Variants in TRIM44 observed in about 807,000 individuals in gnomAD.
TRIM44 encodes the protein tripartite motif containing 44, also known as tripartite motif-containing protein 44.
A neutral mutation model predicts 37.4 loss-of-function variants in TRIM44; 13 were observed. The observed-to-expected ratio is 0.35, with a 90% CI of 0.23 to 0.55. TRIM44 has a LOEUF of 0.55. Among genes scored for constraint, TRIM44 ranks in the 20% least tolerant of loss-of-function variants. The probability of loss-of-function intolerance (pLI) is 0.89; values close to 1 mark genes in which losing one functional copy is unlikely to be tolerated. For synonymous variants in TRIM44, 175 were observed against 157.2 expected (o/e 1.11, Z -0.85); for missense variants, 426 against 437.2 (o/e 0.97, Z 0.23).
intron 1 of TRIM44, among the ~76,000 whole-genome samples, chr11:35,684,140 T>C (rs1033723448): frequency 6.6e-6 from 1 of 152,218 alleles, no homozygotes; most frequent in Non-Finnish European, 1.5e-5. Flanking sequence ...GTCTGTGCTC[T>C]AAATCTGTAC....
chr11:35,760,645 A>G (rs1029686301), intron 4 of TRIM44, among the ~76,000 whole-genome samples: 10 of 152,038 alleles, frequency 6.6e-5, no homozygotes, highest in African/African-American at 2.2e-4. Flanking sequence ...TCCACTTCCT[A>G]TGTTTTTTAA....
intron 4 of TRIM44, among the ~76,000 whole-genome samples, chr11:35,788,756 G>A (rs1853162091): frequency 6.6e-6 from 1 of 152,188 alleles, no homozygotes; most frequent in Non-Finnish European, 1.5e-5. Context: ...AAAGAGGCAT[G>A]TGATTAGCCA....
intron 4 of TRIM44, among the ~76,000 whole-genome samples, chr11:35,796,257 TCGC>T (rs1323965076): frequency 5.3e-5 from 8 of 152,210 alleles, no homozygotes; most frequent in Non-Finnish European, 2.9e-5. Context: ...TCTGCCTCGC[TCGC>T]TCGCTGTCAC....
chr11:35,709,915 A>G (rs774268292), intron 2 of TRIM44, among the ~76,000 whole-genome samples: 1 of 152,248 alleles, frequency 6.6e-6, no homozygotes, highest in Admixed American at 6.5e-5. Context: ...CAGCAGATTC[A>G]GAGAGACTCC....
At chr11:35,725,879 C>G (rs1459167766) in intron 2 of TRIM44, 45 bp from the exon 3 acceptor site, 1 of 1,600,422 alleles carries the variant, frequency 6.2e-7, no homozygotes, top group Non-Finnish European at 8.5e-7. Context: ...CCTTTTGTTT[C>G]TTTGTATGTT....
intron 4 of TRIM44, among the ~76,000 whole-genome samples, chr11:35,798,889 C>G (rs1469147429): frequency 6.6e-6 from 1 of 151,942 alleles, no homozygotes. Context: ...ATATATTTCA[C>G]TGTGATAATG....
chr11:35,677,579 A>G (rs1851472270), intron 1 of TRIM44, among the ~76,000 whole-genome samples: 1 of 152,088 alleles, frequency 6.6e-6, no homozygotes, highest in African/African-American at 2.4e-5. Flanking sequence ...ATATTCTTTC[A>G]TTTAATGTTT....
At chr11:35,785,905 C>A (rs1460978319) in intron 4 of TRIM44, among the ~76,000 whole-genome samples, 1 of 152,192 alleles carries the variant, frequency 6.6e-6, no homozygotes, top group Non-Finnish European at 1.5e-5. Flanking sequence ...ATGATTGAAA[C>A]CCATGAGAGA....
At chr11:35,784,782 C>T (rs953857014) in intron 4 of TRIM44, among the ~76,000 whole-genome samples, 1 of 152,116 alleles carries the variant, frequency 6.6e-6, no homozygotes, top group African/African-American at 2.4e-5. Context: ...TTAAATTTTG[C>T]CAGGTTTTTA....
At chr11:35,684,619 A>C (rs746003948) in intron 1 of TRIM44, among the ~76,000 whole-genome samples, 42 of 152,214 alleles carry the variant, frequency 2.8e-4, no homozygotes, top group Non-Finnish European at 3.4e-4. Context: ...AAATTAATCA[A>C]CTAGTTAATG....
At chr11:35,775,192 G>C (rs1481516085) in intron 4 of TRIM44, among the ~76,000 whole-genome samples, 2 of 152,164 alleles carry the variant, frequency 1.3e-5, no homozygotes, top group African/African-American at 4.8e-5. Flanking sequence ...CACATCCCTT[G>C]TAAGTTGGAT....
chr11:35,791,431 T>A (rs1303089302), intron 4 of TRIM44, among the ~76,000 whole-genome samples: 1 of 152,132 alleles, frequency 6.6e-6, no homozygotes, highest in Non-Finnish European at 1.5e-5. Flanking sequence ...AGATGCCATA[T>A]GGAGCCCTGA....
At chr11:35,779,100 C>T (rs549243746) in intron 4 of TRIM44, among the ~76,000 whole-genome samples, 7 of 152,178 alleles carry the variant, frequency 4.6e-5, no homozygotes, top group Non-Finnish European at 8.8e-5. Context: ...CTACCCAGTT[C>T]GAGCTTCCCA....
intron 1 of TRIM44, among the ~76,000 whole-genome samples, chr11:35,665,523 C>T (rs1429548928): frequency 6.7e-6 from 1 of 149,672 alleles, no homozygotes; most frequent in African/African-American, 2.5e-5. Flanking sequence ...AGTACCTAGT[C>T]AGTTCTTTTG....
chr11:35,674,532 C>T (rs1851438138), intron 1 of TRIM44, among the ~76,000 whole-genome samples: 1 of 152,182 alleles, frequency 6.6e-6, no homozygotes, highest in South Asian at 2.1e-4. Flanking sequence ...ATTAAACCCA[C>T]TTCAGATGGG....
intron 2 of TRIM44, among the ~76,000 whole-genome samples, chr11:35,710,929 CAG>C (rs1371170418): frequency 6.6e-6 from 1 of 152,122 alleles, no homozygotes; most frequent in Non-Finnish European, 1.5e-5. Context: ...TAGTTACTGA[CAG>C]AAGTTATTCA....
At chr11:35,708,356 A>G (rs1269954275) in intron 2 of TRIM44, among the ~76,000 whole-genome samples, 2 of 151,676 alleles carry the variant, frequency 1.3e-5, no homozygotes, top group African/African-American at 4.8e-5. Flanking sequence ...GAGTGTGGCG[A>G]TTCCTCAGGG....
At chr11:35,665,491 A>G (rs1289934710) in intron 1 of TRIM44, among the ~76,000 whole-genome samples, 1 of 149,386 alleles carries the variant, frequency 6.7e-6, no homozygotes, top group Non-Finnish European at 1.5e-5. Flanking sequence ...GACTTTGAGG[A>G]TCTTTTATAC....
chr11:35,756,328 A>G (rs1453363110), intron 4 of TRIM44, among the ~76,000 whole-genome samples: 6 of 152,142 alleles, frequency 3.9e-5, no homozygotes, highest in Non-Finnish European at 7.3e-5. Flanking sequence ...GTGTATAAGA[A>G]TGCTTGTGAT....
Sources: allele counts gnomAD v4.1 joint callset (sites outside exome capture counted in the v4.1 genomes callset), GRCh38; gene constraint gnomAD v4.1.1; transcripts MANE v1.5; gene names NCBI Gene and HGNC (gene_info 2026-07-23, HGNC 2026-07-21).